Variants in PLS1 observed in about 807,000 individuals in gnomAD.
PLS1 encodes the protein plastin-1.
Under a neutral mutation model 73.7 loss-of-function variants are expected in PLS1, and 32 were observed. The observed-to-expected ratio is 0.43, with a 90% CI of 0.33 to 0.58. PLS1 has a LOEUF of 0.58. PLS1 is among the 20% of genes least tolerant of loss of function. PLS1 has a pLI of 0.04. For missense variants in PLS1, 633 were observed against 740.5 expected (o/e 0.85, Z 1.68); for synonymous variants, 217 against 261.3 (o/e 0.83, Z 1.63).
At chr3:142,666,470 G>A (rs889969005) in intron 2 of PLS1, among the ~76,000 whole-genome samples, 2 of 152,168 alleles carry the variant, frequency 1.3e-5, no homozygotes, top group African/African-American at 4.8e-5. Flanking sequence ...TGTAGCCTGT[G>A]TCAGAATTTC....
At chr3:142,635,307 A>G (rs1371807794) in intron 1 of PLS1, among the ~76,000 whole-genome samples, 2 of 152,124 alleles carry the variant, frequency 1.3e-5, no homozygotes, top group African/African-American at 2.4e-5. Flanking sequence ...GACAAATAGA[A>G]AACAAATAGC....
chr3:142,678,754 G>GTAT (rs1362690763), intron 6 of PLS1, among the ~76,000 whole-genome samples: 1 of 151,554 alleles, frequency 6.6e-6, no homozygotes, highest in Non-Finnish European at 1.5e-5. Flanking sequence ...TGTCTTTATA[G>GTAT]CAGCATGATT....
At chr3:142,609,271 G>C (rs568101082) in intron 1 of PLS1, among the ~76,000 whole-genome samples, 1 of 152,186 alleles carries the variant, frequency 6.6e-6, no homozygotes, top group Non-Finnish European at 1.5e-5. Flanking sequence ...CTCCATTACT[G>C]TCTTGCTCAT....
At chr3:142,687,684 T>C (rs1577893852) in intron 9 of PLS1, among the ~76,000 whole-genome samples, 1 of 152,272 alleles carries the variant, frequency 6.6e-6, no homozygotes, top group East Asian at 1.9e-4. Flanking sequence ...TATTCCCTAT[T>C]TCTCTCCTCT....
rs769930632 is a variant in PLS1 at position 142,712,870 on chromosome 3, T to C, written c.*863T>C. 6.6e-6 allele frequency: 1 copy of C among 152,600 alleles called. No homozygotes were observed. Among genetic ancestry groups the C allele is most frequent in the Non-Finnish European group, 1.5e-5 (1 of 67,988 alleles). The allele number at this position is 152,600 out of a possible 1,614,324, so 9.5% of individuals were successfully genotyped here. A position where few individuals can be genotyped will look rare whatever the true frequency, so the allele number is the denominator to read the frequency against. On this transcript the variant is annotated 3_prime_UTR_variant, in exon 16 of 16. Coordinates refer to ENST00000457734, the MANE Select transcript of PLS1 (RefSeq NM_001145319.2). ...TGGATATCTGATACATTAAGATTTC[T>C]TTTTATAAGTATTCATTTTGAATGT... is the stretch of plus-strand genomic sequence containing the variant.
chr3:142,684,555 A>C (rs2037924620), intron 8 of PLS1, among the ~76,000 whole-genome samples, 160 bp downstream of exon 8: 1 of 152,228 alleles, frequency 6.6e-6, no homozygotes, highest in Non-Finnish European at 1.5e-5. Flanking sequence ...AATTATATTC[A>C]CAAAATATAT....
chr3:142,668,445 A>G (rs2037523247), intron 2 of PLS1, among the ~76,000 whole-genome samples: 2 of 152,200 alleles, frequency 1.3e-5, no homozygotes, highest in Admixed American at 1.3e-4. Context: ...ACTGCCACCA[A>G]ATGAAACGTA....
chr3:142,641,259 ATATT>A (rs2036832577), intron 1 of PLS1, among the ~76,000 whole-genome samples: 1 of 145,638 alleles, frequency 6.9e-6, no homozygotes, highest in Non-Finnish European at 1.5e-5. Context: ...ATCTCTCTAT[ATATT>A]ATATGTATTA....
intron 14 of PLS1, among the ~76,000 whole-genome samples, chr3:142,708,943 A>G (rs1035582162): frequency 3.9e-5 from 6 of 152,216 alleles, no homozygotes; most frequent in Non-Finnish European, 2.9e-5. Context: ...AAGGTAACTC[A>G]TAAGAAAATG....
At chr3:142,630,258 T>G (rs1249220285) in intron 1 of PLS1, among the ~76,000 whole-genome samples, 2 of 150,196 alleles carry the variant, frequency 1.3e-5, no homozygotes, top group Non-Finnish European at 3.0e-5. Flanking sequence ...CCATCTCTAC[T>G]AAAAAGACAA....
At chr3:142,655,004 A>G (rs2037190268) in intron 1 of PLS1, 1 of 152,176 alleles carries the variant, frequency 6.6e-6, no homozygotes, top group South Asian at 2.1e-4. Flanking sequence ...TTCCCCACAT[A>G]TACAACACAA....
chr3:142,668,798 C>T (rs1184386386), intron 2 of PLS1, among the ~76,000 whole-genome samples: 5 of 152,026 alleles, frequency 3.3e-5, no homozygotes, highest in Non-Finnish European at 5.9e-5. Context: ...GATGGGGTTT[C>T]ACCATGTTGA....
At chr3:142,676,328 T>TG in intron 5 of PLS1, 39 bp downstream of exon 5, 2 of 1,591,222 alleles carry the variant, frequency 1.3e-6, no homozygotes, top group Middle Eastern at 1.7e-4. Context: ...GCGTTCTTGC[T>TG]GATTACATTG....
chr3:142,641,788 G>A (rs1199058962), intron 1 of PLS1, among the ~76,000 whole-genome samples: 2 of 152,088 alleles, frequency 1.3e-5, no homozygotes, highest in African/African-American at 4.8e-5. Context: ...GGGAGATGGT[G>A]TGAATTCAGG....
At chr3:142,700,317 T>TTTTATTTATTTA (rs370206449) in intron 12 of PLS1, among the ~76,000 whole-genome samples, 1 of 150,788 alleles carries the variant, frequency 6.6e-6, no homozygotes, top group African/African-American at 2.5e-5. Flanking sequence ...ATTATTATTA[T>TTTTATTTATTTA]TTTATTTATT....
At position 142,704,015 on chromosome 3, in the gene PLS1, T is replaced by A; in HGVS notation, c.1505+14T>A. On this transcript the variant is annotated intron_variant, in intron 13 of 15. Transcript: ENST00000457734. ...GCTGATGAGAAGGTAAAGGCTGATA[T>A]GTTGGTAGCAACACTGCCTGTTTCC... 6.2e-7 allele frequency: 1 copy of A among 1,611,386 alleles called. No individual in the cohort carries two copies. Among genetic ancestry groups the A allele is most frequent in the South Asian group, 1.1e-5 (1 of 90,388 alleles).
chr3:142,686,226 TA>T (rs1251456974), intron 8 of PLS1, 57 bp from the exon 9 acceptor site: 1 of 1,030,266 alleles, frequency 9.7e-7, no homozygotes, highest in East Asian at 2.4e-5. Context: ...TTGTTTTCCC[TA>T]AATTCAATGA....
chr3:142,603,434 A>G (rs888113264), intron 1 of PLS1, among the ~76,000 whole-genome samples: 1 of 152,224 alleles, frequency 6.6e-6, no homozygotes, highest in Non-Finnish European at 1.5e-5. Context: ...TTCAGACTTT[A>G]CGATAAACTA....
chr3:142,611,369 C>A (rs530967057), intron 1 of PLS1, among the ~76,000 whole-genome samples: 2 of 152,252 alleles, frequency 1.3e-5, no homozygotes, highest in Non-Finnish European at 2.9e-5. Flanking sequence ...TGTCTGTAAT[C>A]CCAACACTTT....
Sources: gnomAD v4.1 joint callset for allele counts (sites outside exome capture counted in the v4.1 genomes callset) on GRCh38, gnomAD v4.1.1 for gene constraint, MANE v1.5 for transcripts, NCBI Gene and HGNC (gene_info 2026-07-23, HGNC 2026-07-21) for gene names.